Variants in PDE3A observed in about 807,000 individuals in gnomAD.
PDE3A encodes the protein cGMP-inhibited 3',5'-cyclic phosphodiesterase 3A.
In PDE3A, 43 loss-of-function variants were observed where a neutral mutation model predicts 98.3. The ratio of observed to expected loss-of-function variants is 0.44; its 90% CI spans 0.34 to 0.56. The LOEUF is 0.56. Ranked by LOEUF, PDE3A falls within the 20% of genes least tolerant of loss-of-function variation. The pLI is 0.01. For missense variants in PDE3A, 1,427 were observed against 1,440.7 expected, an observed-to-expected ratio of 0.99 and a Z score of 0.15; for synonymous variants, 663 against 567.9, an observed-to-expected ratio of 1.17 and a Z score of -2.38.
chr12:20,604,264 A>G (rs761810287), intron 2 of PDE3A, among the ~76,000 whole-genome samples: 4 of 152,114 alleles, frequency 2.6e-5, no homozygotes, highest in Non-Finnish European at 4.4e-5. Context: ...CTTTTTAAAT[A>G]AAATAAAAAT....
At chr12:20,404,851 G>A (rs921724830) in intron 1 of PDE3A, among the ~76,000 whole-genome samples, 3 of 25,386 alleles carry the variant, frequency 1.2e-4, no homozygotes, top group African/African-American at 3.4e-4. Context: ...TTTTTTTTGA[G>A]CAGGAACTAG....
rs529306451 is a variant in PDE3A, at chr12:20,552,562, G to A, written c.961-4098G>A. 6.2e-7 allele frequency: 1 copy of A among 1,613,788 alleles called. No homozygotes were observed. Among genetic ancestry groups the A allele is most frequent in the Non-Finnish European group, 8.5e-7 (1 of 1,179,834 alleles). On this transcript the variant is annotated intron_variant, in intron 1 of 15. Transcript: ENST00000359062. This position sits in a 1 kb window ranked among gnomAD's most constrained non-coding sequence, Gnocchi z 5.1. ...CTTCGCGTCCCCCAGGACGGGCAAG[G>A]GCAAGTGGAAGCGGAAGTCGGCAGG...
chr12:20,595,495 A>G (rs1943443913), intron 2 of PDE3A, among the ~76,000 whole-genome samples: 1 of 152,176 alleles, frequency 6.6e-6, no homozygotes, highest in African/African-American at 2.4e-5. Context: ...ATTTGTCTTA[A>G]TATCAGAATG....
chr12:20,617,158 A>G (rs567523586), intron 4 of PDE3A, among the ~76,000 whole-genome samples: 1 of 152,298 alleles, frequency 6.6e-6, no homozygotes, highest in South Asian at 2.1e-4. Context: ...GAATGAAAAA[A>G]TATCCACATC....
chr12:20,411,006 T>A (rs1157252632), intron 1 of PDE3A, among the ~76,000 whole-genome samples: 3 of 152,214 alleles, frequency 2.0e-5, no homozygotes, highest in African/African-American at 7.2e-5. Flanking sequence ...AGGCTGGATC[T>A]CCTTACTTTG....
chr12:20,526,052 C>G (rs1364950672), intron 1 of PDE3A, among the ~76,000 whole-genome samples: 1 of 152,104 alleles, frequency 6.6e-6, no homozygotes, highest in Non-Finnish European at 1.5e-5. Context: ...ATAAAATTCA[C>G]CAGTAAAGTA....
intron 1 of PDE3A, among the ~76,000 whole-genome samples, chr12:20,422,162 C>T (rs10732535): frequency 0.78 from 118,455 of 151,878 alleles, 47,194 homozygotes; most frequent in South Asian, 0.87. Context: ...CTGGCTAACA[C>T]GGTGAAACTC....
At chr12:20,620,581 C>G (rs1035081919) in intron 4 of PDE3A, among the ~76,000 whole-genome samples, 10 of 152,178 alleles carry the variant, frequency 6.6e-5, no homozygotes, top group African/African-American at 1.4e-4. Context: ...ATAACATTCT[C>G]TAGTTCAGTC....
At chr12:20,488,587 C>T (rs1945771757) in intron 1 of PDE3A, among the ~76,000 whole-genome samples, 1 of 152,066 alleles carries the variant, frequency 6.6e-6, no homozygotes, top group Non-Finnish European at 1.5e-5. Flanking sequence ...AATCCCAGCA[C>T]TATGGGAGGC....
chr12:20,599,238 G>A (rs1218961970), intron 2 of PDE3A, among the ~76,000 whole-genome samples: 1 of 151,900 alleles, frequency 6.6e-6, no homozygotes, highest in Non-Finnish European at 1.5e-5. Flanking sequence ...ACTCTCTCTA[G>A]ACCTGTTCTT....
chr12:20,646,654 GTT>G, intron 11 of PDE3A, 51 bp downstream of exon 11: 1 of 1,383,628 alleles, frequency 7.2e-7, no homozygotes, highest in Non-Finnish European at 1.0e-6. Flanking sequence ...GAACAAGGGT[GTT>G]TTTGTTTTTG....
chr12:20,445,653 A>G (rs2120862926), intron 1 of PDE3A, among the ~76,000 whole-genome samples: 1 of 152,308 alleles, frequency 6.6e-6, no homozygotes, highest in Middle Eastern at 3.4e-3. Flanking sequence ...CGATCAAGGA[A>G]CATGGGAATA....
At chr12:20,394,502 G>A (rs1943972076) in intron 1 of PDE3A, among the ~76,000 whole-genome samples, 1 of 151,974 alleles carries the variant, frequency 6.6e-6, no homozygotes, top group Admixed American at 6.6e-5. Flanking sequence ...TGATGAAATG[G>A]ACTATTAATC....
chr12:20,596,053 C>A (rs1943458884), intron 2 of PDE3A, among the ~76,000 whole-genome samples: 1 of 151,966 alleles, frequency 6.6e-6, no homozygotes. Context: ...TTCATTTTGT[C>A]CTTTTTTGCA....
intron 1 of PDE3A, among the ~76,000 whole-genome samples, chr12:20,459,942 G>A (rs1440949291): frequency 6.6e-6 from 1 of 152,212 alleles, no homozygotes; most frequent in Admixed American, 6.5e-5. Context: ...GTTTGATACT[G>A]AGTTGCAGGA....
At chr12:20,601,776 G>C (rs1236148756) in intron 2 of PDE3A, among the ~76,000 whole-genome samples, 2 of 136,742 alleles carry the variant, frequency 1.5e-5, no homozygotes, top group African/African-American at 5.5e-5. Flanking sequence ...TTTTTTTTTT[G>C]TTTTCTGTGA....
chr12:20,598,713 T>C (rs1461681227), intron 2 of PDE3A, among the ~76,000 whole-genome samples: 1 of 152,170 alleles, frequency 6.6e-6, no homozygotes, highest in African/African-American at 2.4e-5. Flanking sequence ...AAAGAAGAAA[T>C]TGAAAGAATA....
intron 15 of PDE3A, among the ~76,000 whole-genome samples, chr12:20,669,051 T>C (rs1661920656): frequency 6.6e-6 from 1 of 151,362 alleles, no homozygotes. Flanking sequence ...ACGTGAAGAA[T>C]GCAGAAGCCT....
intron 1 of PDE3A, among the ~76,000 whole-genome samples, chr12:20,407,159 A>T (rs889172701): frequency 6.6e-6 from 1 of 152,190 alleles, no homozygotes; most frequent in East Asian, 1.9e-4. Flanking sequence ...AGGCTCTGTG[A>T]TCTAGAGAAA....
Sources: allele counts gnomAD v4.1 joint callset (sites outside exome capture counted in the v4.1 genomes callset), GRCh38; gene constraint gnomAD v4.1.1; non-coding constraint Gnocchi (gnomAD v3.1); transcripts MANE v1.5; gene names NCBI Gene and HGNC (gene_info 2026-07-23, HGNC 2026-07-21).